The following CRYAB variants were observed in gnomAD, a reference collection of about 807,000 sequenced individuals.
CRYAB encodes the protein crystallin alpha B, also known as alpha-crystallin B chain.
Under a neutral mutation model 12.7 loss-of-function variants are expected in CRYAB, and 9 were observed. The observed-to-expected ratio is 0.71, with a 90% CI of 0.43 to 1.24. The LOEUF (loss-of-function observed/expected upper bound fraction) is 1.24, where lower values mean the gene tolerates loss of function less well. Among genes scored for constraint, CRYAB ranks in the 50% most tolerant of loss-of-function variants. CRYAB has a pLI of 0.00. For missense variants in CRYAB, 183 were observed against 226.6 expected (o/e 0.81, Z 1.24); for synonymous variants, 93 against 86.8 (o/e 1.07, Z -0.40).
rs782195096 is a variant in CRYAB at position 111,910,276 on chromosome 11, T to C, written c.324+51A>G. The stretch of plus-strand genomic sequence containing the variant: ...AAGCTGATAGCACTACCTGGACTAT[T>C]ACAGTATGCACTGAATGAATGAGCA... On this transcript the variant is annotated intron_variant, in intron 2 of 2. Coordinates refer to ENST00000650687, the MANE Select transcript of CRYAB (RefSeq NM_001289808.2). 5.0e-6 allele frequency: 8 copies of C among 1,612,026 alleles called. No homozygotes were observed. In the South Asian group the frequency reaches 7.7e-5, roughly 15 times the overall value.
At position 111,910,319 on chromosome 11, in the gene CRYAB, C is replaced by G. The variant is rs1965412689; in HGVS notation, c.324+8G>C. On this transcript the variant is annotated splice_region_variant and intron_variant, in intron 2 of 2. Coordinates refer to ENST00000650687, the MANE Select transcript of CRYAB (RefSeq NM_001289808.2). ...AATGAGCAGAAAACAAAAAAACAAG[C>G]TACATACCTGGCGCTCTTCATGTTT... The G allele has an allele frequency of 6.2e-7, 1 of 1,614,190 alleles. No homozygotes were observed. The highest frequency in any genetic ancestry group is 8.5e-7 in the Non-Finnish European group (1 of 1,180,042).
At chr11:111,918,853 T>C (rs1232804954) in intron 1 of CRYAB, 7 of 1,201,794 alleles carry the variant, frequency 5.8e-6, no homozygotes, top group Non-Finnish European at 8.5e-6. Flanking sequence ...ACCTGCTAGG[T>C]TGAAATCTGA....
At chr11:111,919,053 T>C in intron 1 of CRYAB, 1 of 1,608,886 alleles carries the variant, frequency 6.2e-7, no homozygotes, top group Non-Finnish European at 8.5e-7. Context: ...TGTTGGTGGA[T>C]GTAGAGGCCC....
upstream of CRYAB, chr11:111,918,150 C>G (rs959872157): frequency 6.6e-6 from 1 of 152,184 alleles, no homozygotes. Context: ...CACAGATTCT[C>G]GTAGAGCCCA....
upstream of CRYAB, among the ~76,000 whole-genome samples, chr11:111,914,442 G>A (rs1965566097): frequency 1.3e-5 from 2 of 152,204 alleles, no homozygotes; most frequent in African/African-American, 2.4e-5. Context: ...TGGGAAAATG[G>A]TTTTTGGCTG....
chr11:111,914,868 G>GA (rs1352622652), upstream of CRYAB, among the ~76,000 whole-genome samples: 21 of 152,256 alleles, frequency 1.4e-4, no homozygotes, highest in African/African-American at 5.1e-4. Flanking sequence ...TTGAGCCCAA[G>GA]AGTAAGAGAC....
chr11:111,919,318 C>G (rs1478178223), intron 1 of CRYAB: 16 of 298,126 alleles, frequency 5.4e-5, no homozygotes, highest in Non-Finnish European at 8.5e-5. Context: ...ACTGAAAATA[C>G]AAAAATTAGC....
intron 1 of CRYAB, chr11:111,910,866 C>G (rs1057331703): frequency 6.5e-6 from 2 of 306,894 alleles, no homozygotes; most frequent in African/African-American, 4.3e-5. Context: ...CCTGCTTGTC[C>G]TTCCAAAGCC....
chr11:111,911,362 G>C (rs569694312), intron 1 of CRYAB, among the ~76,000 whole-genome samples, 162 bp downstream of exon 1: 1 of 152,284 alleles, frequency 6.6e-6, no homozygotes, highest in East Asian at 1.9e-4. Context: ...AATAGAAACA[G>C]GTGATGGGGG....
At chr11:111,918,838 G>A in intron 1 of CRYAB, 1 of 1,026,190 alleles carries the variant, frequency 9.7e-7, no homozygotes, top group Non-Finnish European at 1.5e-6. Flanking sequence ...GGCTTCAAAA[G>A]TCCAACCTGC....
rs1053253141 is a variant in CRYAB at position 111,909,145 on chromosome 11, A to G, written c.325-178T>C. The G allele has an allele frequency of 1.0e-5, 7 of 695,542 alleles. No homozygotes were observed. The African/African-American group carries it at 1.2e-4, about 12-fold the overall frequency. 43.1% of individuals were successfully genotyped at this position (695,542 alleles called of 1,614,324 possible). On this transcript the variant is annotated intron_variant, in intron 2 of 2. Transcript: ENST00000650687. ...CTAAGATGAAATTGCCTAGGTAGTC[A>G]CTCCTACCAGTGAGAATCTGAGAAG...
intron 2 of CRYAB, chr11:111,910,048 T>C: frequency 3.2e-6 from 2 of 626,672 alleles, no homozygotes; most frequent in Non-Finnish European, 5.7e-6. Context: ...GTGATTCTAA[T>C]GTGGCCCAGA....
chr11:111,912,861 C>T (rs1965510131), upstream of CRYAB: 2 of 1,608,228 alleles, frequency 1.2e-6, no homozygotes, highest in Non-Finnish European at 8.5e-7. Flanking sequence ...CATGCCCACC[C>T]GGCCACCGCC....
rs1555165540 is a variant in CRYAB at position 111,911,532 on chromosome 11, G to T, written c.193C>A (p.Leu65Ile). ...GCTGTGGGGAGACTCACCTCTGAGA[G>T]TCCAGTGTCAAACCAGCTGGGTGCC... ...LRAPSWFDTG[L>I]SEMRLEKDRF... is the part of the protein sequence containing the mutation. Residue 65 changes from leucine (L) to isoleucine (I), a missense_variant, in exon 1 of 3, where the codon CTC becomes ATC. Leu to Ile is a conservative substitution (Grantham distance 5, BLOSUM62 2). Around this residue, in one of 3 missense-constraint regions of CRYAB, gnomAD observed 86 missense variants for 96.1 expected, o/e 0.89. Coordinates refer to ENST00000650687, the MANE Select transcript of CRYAB (RefSeq NM_001289808.2). The T allele has an allele frequency of 1.9e-6, 3 of 1,610,204 alleles. No homozygotes were observed. The South Asian group carries it at 3.3e-5, about 18-fold the overall frequency.
chr11:111,919,216 T>C (rs1965647285), intron 1 of CRYAB: 1 of 598,348 alleles, frequency 1.7e-6, no homozygotes, highest in Non-Finnish European at 3.0e-6. Flanking sequence ...GGCTCACGCC[T>C]CTACTCCCAG....
chr11:111,919,306 C>T (rs901514949), intron 1 of CRYAB: 1 of 322,508 alleles, frequency 3.1e-6, no homozygotes, highest in Admixed American at 4.1e-5. Flanking sequence ...AACCCCGTCT[C>T]TACTGAAAAT....
At chr11:111,920,525 G>A (rs1180391040) in intron 1 of CRYAB, among the ~76,000 whole-genome samples, 5 of 151,436 alleles carry the variant, frequency 3.3e-5, no homozygotes, top group South Asian at 2.1e-4. Flanking sequence ...GCAACAGAGC[G>A]AGACTATGTC....
intron 2 of CRYAB, 180 bp downstream of exon 2, chr11:111,910,147 G>GGA (rs782572095): frequency 2.3e-5 from 18 of 781,940 alleles, no homozygotes; most frequent in Middle Eastern, 2.2e-4. Context: ...GGCCATAATA[G>GGA]TAACAACAGC....
At chr11:111,912,932 C>T (rs1555165783), upstream of CRYAB, 3 of 1,581,930 alleles carry the variant, frequency 1.9e-6, no homozygotes, top group Admixed American at 3.6e-5. Flanking sequence ...AGGTATGGCA[C>T]AGACACCACC....
Sources: gnomAD v4.1 joint callset for allele counts (sites outside exome capture counted in the v4.1 genomes callset) on GRCh38, gnomAD v4.1.1 for gene constraint, gnomAD v4.1.1 regional missense constraint, MANE v1.5 for transcripts, NCBI Gene and HGNC (gene_info 2026-07-23, HGNC 2026-07-21) for gene names.